Variants in ERC1 observed in about 807,000 individuals in gnomAD.
ERC1 encodes ELKS/RAB6-interacting/CAST family member 1.
In ERC1, 56 loss-of-function variants were observed where a neutral mutation model predicts 132.0. That is an observed-to-expected ratio of 0.42 (90% confidence interval 0.34 to 0.53). ERC1 has a LOEUF of 0.53. ERC1 is among the 20% of genes least tolerant of loss of function. The pLI is 0.03. For missense variants in ERC1, 1,202 were observed against 1,349.9 expected (o/e 0.89, Z 1.72); for synonymous variants, 478 against 476.1 (o/e 1.00, Z -0.05).
chr12:1,153,172 C>G (rs1950991850), intron 8 of ERC1: 1 of 152,272 alleles, frequency 6.6e-6, no homozygotes, highest in Non-Finnish European at 1.5e-5. Context: ...GAGCAAACCA[C>G]AACAGAAAAT....
chr12:1,016,008 T>C (rs1253776045), intron 1 of ERC1, among the ~76,000 whole-genome samples: 1 of 151,818 alleles, frequency 6.6e-6, no homozygotes, highest in African/African-American at 2.4e-5. Context: ...CAGGTTGGAC[T>C]AGTAATTTTG....
At chr12:1,280,201 T>TA (rs2078583975) in intron 14 of ERC1, among the ~76,000 whole-genome samples, 1 of 152,244 alleles carries the variant, frequency 6.6e-6, no homozygotes, top group South Asian at 2.1e-4. Flanking sequence ...TCATCCAAGA[T>TA]ACGGCTGAAA....
chr12:1,418,751 C>T lies in ERC1; in HGVS notation c.3024+10504C>T, dbSNP rs776108898. 2.7e-5 allele frequency among the ~76,000 whole-genome samples: 4 copies of T among 147,964 alleles called. No homozygotes were observed. The South Asian group carries it at 6.4e-4, about 24-fold the overall frequency. ...TTGGAGACAGGATCTCTCTCTCTGT[C>T]GCTCAGACTGGAGTGTAGTGGCATG... is the stretch of plus-strand genomic sequence containing the variant. On this transcript the variant is annotated intron_variant, in intron 17 of 18. Coordinates refer to ENST00000360905, the MANE Select transcript of ERC1 (RefSeq NM_178040.4).
chr12:994,331 CTTAT>C (rs1392395403), intron 1 of ERC1, among the ~76,000 whole-genome samples: 1 of 150,710 alleles, frequency 6.6e-6, no homozygotes, highest in East Asian at 1.9e-4. Context: ...GTTTTTTTTT[CTTAT>C]TTATTTTTTG....
chr12:1,321,342 G>GTGTGTGTGTGTGTGTA (rs112838015), intron 15 of ERC1, among the ~76,000 whole-genome samples: 2 of 152,014 alleles, frequency 1.3e-5, no homozygotes, highest in African/African-American at 4.8e-5. Flanking sequence ...GTGTGTGTGT[G>GTGTGTGTGTGTGTGTA]TATATTTTGC....
chr12:993,069 A>G (rs937797306), intron 1 of ERC1, among the ~76,000 whole-genome samples: 4 of 152,222 alleles, frequency 2.6e-5, no homozygotes, highest in African/African-American at 9.6e-5. Context: ...AAATACTTCT[A>G]CTTTATAGAG....
At chr12:1,029,090 C>T (rs1967476606) in intron 2 of ERC1, among the ~76,000 whole-genome samples, 1 of 152,158 alleles carries the variant, frequency 6.6e-6, no homozygotes, top group Non-Finnish European at 1.5e-5. Flanking sequence ...TGCAATGGCT[C>T]ACACCTGTAA....
chr12:1,211,178 C>T (rs914157161), intron 12 of ERC1, among the ~76,000 whole-genome samples: 6 of 152,042 alleles, frequency 3.9e-5, no homozygotes, highest in Non-Finnish European at 8.8e-5. Flanking sequence ...GACAGAGTTT[C>T]GCTCTTATTG....
chr12:1,260,314 C>G (rs1041763473), intron 13 of ERC1, among the ~76,000 whole-genome samples: 7 of 152,168 alleles, frequency 4.6e-5, no homozygotes, highest in Non-Finnish European at 8.8e-5. Context: ...ATTTGTTGAT[C>G]TGACAAGTGA....
At chr12:1,434,607 A>G (rs1349129434) in intron 17 of ERC1, among the ~76,000 whole-genome samples, 1 of 152,112 alleles carries the variant, frequency 6.6e-6, no homozygotes, top group Non-Finnish European at 1.5e-5. Context: ...CCCCTTTGCC[A>G]CTACCCTTCA....
chr12:1,257,625 C>T (rs1020544200), intron 13 of ERC1, among the ~76,000 whole-genome samples: 4 of 151,954 alleles, frequency 2.6e-5, no homozygotes, highest in African/African-American at 9.7e-5. Context: ...ACCTATATAA[C>T]TCATATTTGT....
intron 15 of ERC1, among the ~76,000 whole-genome samples, chr12:1,349,660 TAAAAAA>T (rs57752848): frequency 3.7e-5 from 4 of 107,616 alleles, no homozygotes; most frequent in Admixed American, 1.0e-4. Context: ...TGAGACCGTC[TAAAAAA>T]AAAAAAAAAA....
At chr12:1,434,512 C>T (rs919317602) in intron 17 of ERC1, among the ~76,000 whole-genome samples, 1 of 152,190 alleles carries the variant, frequency 6.6e-6, no homozygotes, top group Admixed American at 6.5e-5. Flanking sequence ...CTCTGCTGTT[C>T]CCCCATGAGT....
intron 15 of ERC1, among the ~76,000 whole-genome samples, chr12:1,319,501 G>T (rs2081977674): frequency 6.6e-6 from 1 of 152,038 alleles, no homozygotes; most frequent in South Asian, 2.1e-4. Context: ...CTCTGTATAT[G>T]CAGGATACTG....
At chr12:1,214,665 T>TAC (rs59137347) in intron 12 of ERC1, among the ~76,000 whole-genome samples, 20,072 of 118,798 alleles carry the variant, frequency 0.17, 1,286 homozygotes, top group Non-Finnish European at 0.22. Context: ...TGTGTATACA[T>TAC]ACACACACAC....
chr12:1,245,041 TAC>T (rs1254756987), intron 13 of ERC1: 1 of 152,472 alleles, frequency 6.6e-6, no homozygotes, highest in East Asian at 1.9e-4. Context: ...AGGTAGAAGT[TAC>T]AGTTTGCCAG....
intron 15 of ERC1, among the ~76,000 whole-genome samples, chr12:1,333,330 A>ATTTTT (rs36055111): frequency 3.6e-5 from 4 of 110,724 alleles, no homozygotes; most frequent in South Asian, 6.0e-4. Context: ...TATGTACCGC[A>ATTTTT]TTTTTTTTTT....
At chr12:1,111,061 G>T (rs1945802622) in intron 5 of ERC1, among the ~76,000 whole-genome samples, 1 of 152,050 alleles carries the variant, frequency 6.6e-6, no homozygotes, top group Admixed American at 6.5e-5. Context: ...TCCAAATACA[G>T]TTCTGTAACG....
Position 1,113,404 on chromosome 12 carries a change from A to G in ERC1, c.1401+1106A>G, listed in dbSNP as rs139873317. 1.8e-4 allele frequency among the ~76,000 whole-genome samples: 28 copies of G among 152,368 alleles called. No individual in the cohort carries two copies. The East Asian group carries it at 5.4e-3, about 29-fold the overall frequency. ...TAGGAAAACACAGCTAGTAAGAGGC[A>G]GGATTTGGTTTTATACAGGCAGTCT... On this transcript the variant is annotated intron_variant, in intron 6 of 18. Coordinates refer to ENST00000360905, the MANE Select transcript of ERC1 (RefSeq NM_178040.4).
Sources: gnomAD v4.1 joint callset for allele counts (sites outside exome capture counted in the v4.1 genomes callset) on GRCh38, gnomAD v4.1.1 for gene constraint, MANE v1.5 for transcripts, NCBI Gene and HGNC (gene_info 2026-07-23, HGNC 2026-07-21) for gene names.